The following PDGFC variants were observed in gnomAD, a reference collection of about 807,000 sequenced individuals.
PDGFC encodes the protein platelet-derived growth factor C.
Under a neutral mutation model 35.5 loss-of-function variants are expected in PDGFC, and 12 were observed. The ratio of observed to expected loss-of-function variants is 0.34; its 90% CI spans 0.22 to 0.55. PDGFC has a LOEUF of 0.55. Ranked by LOEUF, PDGFC falls within the 20% of genes least tolerant of loss-of-function variation. The probability of loss-of-function intolerance (pLI) is 0.91; values close to 1 mark genes in which losing one functional copy is unlikely to be tolerated. For synonymous variants in PDGFC, 159 were observed against 148.8 expected (o/e 1.07, Z -0.50); for missense variants, 322 against 412.4 (o/e 0.78, Z 1.90).
intron 1 of PDGFC, among the ~76,000 whole-genome samples, chr4:156,920,181 C>A (rs1001695119): frequency 6.6e-6 from 1 of 152,280 alleles, no homozygotes; most frequent in East Asian, 1.9e-4. Flanking sequence ...GCCAAATAAA[C>A]CCCTTTGCTT....
intron 3 of PDGFC, among the ~76,000 whole-genome samples, chr4:156,776,463 A>G (rs1730833605): frequency 6.6e-6 from 1 of 152,240 alleles, no homozygotes; most frequent in Admixed American, 6.5e-5. Flanking sequence ...AATGTAGACA[A>G]CTAAACCAAA....
intron 3 of PDGFC, among the ~76,000 whole-genome samples, chr4:156,794,303 G>C (rs1731380966): frequency 6.6e-6 from 1 of 152,100 alleles, no homozygotes; most frequent in African/African-American, 2.4e-5. Context: ...TTAGAAAATA[G>C]AATGTGTGAT....
At position 156,968,710 on chromosome 4, in the gene PDGFC, G is replaced by C. The variant is rs138017383; in HGVS notation, c.118+2076C>G. ...TGCTGGCCAGTGCCACTTCTCCTTG[G>C]GCTAAAAACTACAAGTAGTTCCTCT... is the stretch of plus-strand genomic sequence containing the variant. On this transcript the variant is annotated intron_variant, in intron 1 of 5. Transcript: ENST00000502773. Among the ~76,000 whole-genome samples the C allele has an allele frequency of 9.8e-4, 149 of 151,994 alleles. 1 individual carries two copies. Among genetic ancestry groups the C allele is most frequent in the African/African-American group, 3.3e-3 (137 of 41,450 alleles).
intron 1 of PDGFC, among the ~76,000 whole-genome samples, chr4:156,864,014 T>C (rs762950825): frequency 2.6e-5 from 4 of 152,100 alleles, no homozygotes; most frequent in Admixed American, 6.6e-5. Flanking sequence ...GTTGTTGTTG[T>C]TTTGGTTTGG....
intron 1 of PDGFC, among the ~76,000 whole-genome samples, chr4:156,852,231 CTG>C (rs1729475133): frequency 6.6e-6 from 1 of 152,200 alleles, no homozygotes; most frequent in East Asian, 1.9e-4. Flanking sequence ...ACACTGAACA[CTG>C]TATTTGCAGT....
chr4:156,919,525 C>T (rs1395802007), intron 1 of PDGFC, among the ~76,000 whole-genome samples: 3 of 152,104 alleles, frequency 2.0e-5, no homozygotes, highest in Non-Finnish European at 4.4e-5. Context: ...TTTATCAGAC[C>T]TGCTTATCAG....
rs1731867438 is a variant in PDGFC at position 156,943,616 on chromosome 4, T to C, written c.118+27170A>G. Among the ~76,000 whole-genome samples, 7 of 152,066 alleles carry C rather than the reference T, an allele frequency of 4.6e-5. No homozygotes were observed. In the South Asian group the frequency reaches 1.5e-3, roughly 32 times the overall value. Reference sequence around the variant, plus strand: ...CCTCCCTGCATCAAACCTTTTTTTTTCACTCGACCCAATTTGTTTTCAGAA... The same window carrying C: ...CCTCCCTGCATCAAACCTTTTTTTTCCACTCGACCCAATTTGTTTTCAGAA... On this transcript the variant is annotated intron_variant, in intron 1 of 5. Transcript: ENST00000502773.
rs191338512 is a variant in PDGFC, at chr4:156,923,304, G to T, written c.118+47482C>A. Reference sequence around the variant, plus strand: ...CTCTGCCTAGACGCACCTGCCTCCGGTCCTGGCATGGCTGCTTCTTTCTCA... The same window carrying T: ...CTCTGCCTAGACGCACCTGCCTCCGTTCCTGGCATGGCTGCTTCTTTCTCA... On this transcript the variant is annotated intron_variant, in intron 1 of 5. Transcript: ENST00000502773. Among the ~76,000 whole-genome samples, 350 of 152,166 alleles carry T rather than the reference G, an allele frequency of 2.3e-3. 1 individual carries two copies. The highest frequency in any genetic ancestry group is 8.0e-3 in the African/African-American group (334 of 41,508).
chr4:156,850,747 AATATGAGAC>A (rs1729433455), intron 1 of PDGFC, among the ~76,000 whole-genome samples: 2 of 152,146 alleles, frequency 1.3e-5, no homozygotes, highest in South Asian at 4.1e-4. Flanking sequence ...GAAGTTATCA[AATATGAGAC>A]ATTTTAGAAT....
At chr4:156,834,962 A>G (rs1184451818) in intron 2 of PDGFC, among the ~76,000 whole-genome samples, 1 of 152,090 alleles carries the variant, frequency 6.6e-6, no homozygotes, top group African/African-American at 2.4e-5. Flanking sequence ...TAGATTTTTA[A>G]GCAGTAAAAT....
At chr4:156,860,655 T>C (rs1419668143) in intron 1 of PDGFC, among the ~76,000 whole-genome samples, 1 of 152,192 alleles carries the variant, frequency 6.6e-6, no homozygotes, top group East Asian at 1.9e-4. Flanking sequence ...ACAAATGTCT[T>C]TTACTTCTTT....
chr4:156,887,966 G>A (rs1232792084), intron 1 of PDGFC, among the ~76,000 whole-genome samples: 1 of 147,658 alleles, frequency 6.8e-6, no homozygotes, highest in Non-Finnish European at 1.5e-5. Flanking sequence ...TCCTGCCACT[G>A]CACTCCAGCC....
At chr4:156,920,580 A>C (rs2110838304) in intron 1 of PDGFC, among the ~76,000 whole-genome samples, 2 of 152,120 alleles carry the variant, frequency 1.3e-5, no homozygotes, top group Middle Eastern at 3.4e-3. Context: ...GAAAAAAATG[A>C]TCTAAGAAAG....
intron 3 of PDGFC, among the ~76,000 whole-genome samples, chr4:156,791,114 C>T (rs1308703819): frequency 6.6e-6 from 1 of 152,154 alleles, no homozygotes; most frequent in Non-Finnish European, 1.5e-5. Context: ...ATTTTCCCAG[C>T]CAGTACTACT....
chr4:156,870,610 A>G (rs1020186347), intron 1 of PDGFC, among the ~76,000 whole-genome samples: 5 of 152,134 alleles, frequency 3.3e-5, no homozygotes, highest in African/African-American at 1.2e-4. Flanking sequence ...TAATATTACG[A>G]AGACACTTCC....
At chr4:156,965,968 G>C (rs373732147) in intron 1 of PDGFC, among the ~76,000 whole-genome samples, 86 of 152,214 alleles carry the variant, frequency 5.6e-4, no homozygotes, top group Middle Eastern at 3.4e-3. Context: ...GCAGTACCAG[G>C]CATTGGAATT....
At chr4:156,943,229 G>A (rs1731856278) in intron 1 of PDGFC, among the ~76,000 whole-genome samples, 2 of 152,022 alleles carry the variant, frequency 1.3e-5, no homozygotes, top group Admixed American at 6.6e-5. Context: ...GCCTTAGGCA[G>A]GGAATTAATA....
At chr4:156,963,545 A>G (rs1184706100) in intron 1 of PDGFC, among the ~76,000 whole-genome samples, 4 of 152,104 alleles carry the variant, frequency 2.6e-5, no homozygotes, top group African/African-American at 9.7e-5. Context: ...TGAAAATAAA[A>G]GAGGAATTAA....
chr4:156,832,365 T>TC (rs1728964251), intron 2 of PDGFC, among the ~76,000 whole-genome samples: 1 of 150,508 alleles, frequency 6.6e-6, no homozygotes, highest in African/African-American at 2.4e-5. Context: ...CAAGCGATTC[T>TC]CCTGCCTCAG....
Sources: gnomAD v4.1 joint callset for allele counts (sites outside exome capture counted in the v4.1 genomes callset) on GRCh38, gnomAD v4.1.1 for gene constraint, MANE v1.5 for transcripts, NCBI Gene and HGNC (gene_info 2026-07-23, HGNC 2026-07-21) for gene names.